The following LLGL2 variants were observed in gnomAD, a reference collection of about 807,000 sequenced individuals.
LLGL2 encodes the protein LLGL2, scribble cell polarity complex component.
Under a neutral mutation model 123.2 loss-of-function variants are expected in LLGL2, and 81 were observed. The observed-to-expected ratio is 0.66, with a 90% CI of 0.55 to 0.79. The LOEUF (loss-of-function observed/expected upper bound fraction) is 0.79, where lower values mean the gene tolerates loss of function less well. Among genes scored for constraint, LLGL2 ranks in the 30% least tolerant of loss-of-function variants. The probability of loss-of-function intolerance (pLI) is 0.00; values close to 1 mark genes in which losing one functional copy is unlikely to be tolerated. For missense variants in LLGL2, 1,273 were observed against 1,414.6 expected (o/e 0.90, Z 1.61); for synonymous variants, 577 against 594.1 (o/e 0.97, Z 0.42).
chr17:75,532,071 C>CACACACACACACAT (rs1458105871), intron 1 of LLGL2, among the ~76,000 whole-genome samples: 1 of 134,282 alleles, frequency 7.4e-6, no homozygotes, highest in Non-Finnish European at 1.7e-5. Context: ...CACACACACA[C>CACACACACACACAT]ACACACTTTT....
At chr17:75,540,656 T>A (rs752311543) in intron 1 of LLGL2, among the ~76,000 whole-genome samples, 4 of 152,218 alleles carry the variant, frequency 2.6e-5, no homozygotes, top group Non-Finnish European at 5.9e-5. Context: ...TGTTCTGTAT[T>A]ATCCATCCAT....
Position 75,526,150 on chromosome 17 carries a change from G to GGAGTC in LLGL2, c.-31+326_-31+330dup, listed in dbSNP as rs1465234662. 2.6e-5 allele frequency among the ~76,000 whole-genome samples: 4 copies of GGAGTC among 152,220 alleles called. No homozygotes were observed. The East Asian group carries it at 7.7e-4, about 29-fold the overall frequency. On this transcript the variant is annotated intron_variant, in intron 1 of 25. Transcript: ENST00000392550. Reference sequence around the variant, plus strand: ...TGCGGGGGGCACCGCGGGCAGAGACGGAGTCCCCGGGCCCACGTGCAGGCG... The same window carrying GGAGTC: ...TGCGGGGGGCACCGCGGGCAGAGACGGAGTCGAGTCCCCGGGCCCACGTGCAGGCG...
chr17:75,530,130 GGCCTTTTGGAAGT>G (rs1286497912), intron 1 of LLGL2, among the ~76,000 whole-genome samples: 5 of 152,160 alleles, frequency 3.3e-5, no homozygotes, highest in Non-Finnish European at 1.5e-5. Flanking sequence ...TGGGCACTTG[GGCCTTTTGGAAGT>G]GCCTGATGGG....
At chr17:75,560,547 C>T (rs2055155180) in intron 6 of LLGL2, among the ~76,000 whole-genome samples, 1 of 152,074 alleles carries the variant, frequency 6.6e-6, no homozygotes. Flanking sequence ...AGTGCAATGG[C>T]ACGATCTTGG....
chr17:75,568,700 C>T lies in LLGL2; in HGVS notation c.1254+7C>T, dbSNP rs1357012951. ...CGCACACTTCTCCACCATGGTAGGTCTGGCCCTGGCCCCAGCCCCAGCCCC... is the reference window on the plus strand; with the variant it reads ...CGCACACTTCTCCACCATGGTAGGTTTGGCCCTGGCCCCAGCCCCAGCCCC... On this transcript the variant is annotated splice_region_variant and intron_variant, in intron 11 of 25. Coordinates refer to ENST00000392550, the MANE Select transcript of LLGL2 (RefSeq NM_001031803.2). 1 of 1,613,466 alleles carries T rather than the reference C, an allele frequency of 6.2e-7. No individual in the cohort carries two copies. Among genetic ancestry groups the T allele is most frequent in the Non-Finnish European group, 8.5e-7 (1 of 1,179,808 alleles).
intron 2 of LLGL2, among the ~76,000 whole-genome samples, chr17:75,552,610 TAC>T (rs2054728026): frequency 6.6e-6 from 1 of 152,276 alleles, no homozygotes; most frequent in Non-Finnish European, 1.5e-5. Context: ...AGGTGTATTT[TAC>T]ACTTACGGCA....
Position 75,570,118 on chromosome 17 carries a change from C to T in LLGL2, c.1737C>T (p.Pro579=). Residue 579 remains proline (P), a synonymous_variant, in exon 15 of 26, where the codon CCC becomes CCT. Transcript: ENST00000392550. ...TGCGCTTTGAGCCTGGCTTTCAGCC[C>T]TTCGTGTTGGTGCAGTGTCAGCCCC... ...GPVRFEPGFQ[P]FVLVQCQPPA... 3 of 1,602,372 alleles carry T rather than the reference C, an allele frequency of 1.9e-6. No individual in the cohort carries two copies. The highest frequency in any genetic ancestry group is 2.6e-6 in the Non-Finnish European group (3 of 1,174,994).
At chr17:75,560,442 C>T (rs1171359742) in intron 6 of LLGL2, among the ~76,000 whole-genome samples, 1 of 152,156 alleles carries the variant, frequency 6.6e-6, no homozygotes, top group Non-Finnish European at 1.5e-5. Context: ...GGCCCAAGTG[C>T]CCTGAGAGCC....
At chr17:75,568,440 C>T (rs763855012) in intron 10 of LLGL2, 36 bp from the exon 11 acceptor site, 1 of 1,600,028 alleles carries the variant, frequency 6.2e-7, no homozygotes, top group East Asian at 2.2e-5. Context: ...CTGCTTCCTC[C>T]TGGCCCCGGC....
chr17:75,531,253 G>T (rs1316986041), intron 1 of LLGL2, among the ~76,000 whole-genome samples: 2 of 152,188 alleles, frequency 1.3e-5, no homozygotes, highest in Admixed American at 6.5e-5. Flanking sequence ...GTGCTGCCTG[G>T]GACCAGGTGG....
At chr17:75,531,603 G>A (rs2053789277) in intron 1 of LLGL2, among the ~76,000 whole-genome samples, 1 of 152,238 alleles carries the variant, frequency 6.6e-6, no homozygotes. Flanking sequence ...TGGCAACGCT[G>A]TTTTCCTCTG....
Position 75,570,405 on chromosome 17 carries a change from G to A in LLGL2, c.1932G>A (p.Lys644=), listed in dbSNP as rs1310615274. The part of the protein sequence containing the change: ...LALEGPLSRV[K]SLKKSLRQSF... ...TGGAGGGCCCACTCTCCCGCGTCAA[G>A]TCCCTCAAGAAGTCCTTGCGTCAGT... The change falls in exon 16 of 26, where the codon AAG becomes AAA. Residue 644 remains lysine, a synonymous_variant. Transcript: ENST00000392550. The A allele has an allele frequency of 3.7e-6, 6 of 1,610,462 alleles. No individual in the cohort carries two copies. Among genetic ancestry groups the A allele is most frequent in the Non-Finnish European group, 5.1e-6 (6 of 1,178,994 alleles).
In LLGL2 at chr17:75,570,409, C is replaced by T; in HGVS notation, c.1936C>T (p.Leu646Phe). The T allele has an allele frequency of 6.2e-7, 1 of 1,610,046 alleles. No individual in the cohort carries two copies. The highest frequency in any genetic ancestry group is 8.5e-7 in the Non-Finnish European group (1 of 1,178,836). The change falls in exon 16 of 26, where the codon CTC becomes TTC. Residue 646 changes from leucine to phenylalanine, a missense_variant. Transcript: ENST00000392550. Reference sequence around the variant, plus strand: ...GGGCCCACTCTCCCGCGTCAAGTCCCTCAAGAAGTCCTTGCGTCAGTCATT... The same window carrying T: ...GGGCCCACTCTCCCGCGTCAAGTCCTTCAAGAAGTCCTTGCGTCAGTCATT... ...LEGPLSRVKS[L>F]KKSLRQSFRR...
intron 6 of LLGL2, among the ~76,000 whole-genome samples, chr17:75,561,279 G>A (rs2055207973): frequency 6.6e-6 from 1 of 152,124 alleles, no homozygotes. Flanking sequence ...GTTTTTAATG[G>A]CAAAAAGTTG....
chr17:75,561,125 C>T (rs182552222), intron 6 of LLGL2, among the ~76,000 whole-genome samples: 1 of 152,334 alleles, frequency 6.6e-6, no homozygotes. Context: ...AGCCACCAGG[C>T]CCAGCCCCTT....
At chr17:75,572,210 G>C in intron 19 of LLGL2, 146 bp downstream of exon 19, 2 of 840,840 alleles carry the variant, frequency 2.4e-6, no homozygotes, top group Non-Finnish European at 3.7e-6. Flanking sequence ...TAAGTGAGGG[G>C]GGAGTCTCGT....
chr17:75,529,500 C>G (rs112017789), intron 1 of LLGL2, among the ~76,000 whole-genome samples: 2 of 152,028 alleles, frequency 1.3e-5, no homozygotes, highest in African/African-American at 4.8e-5. Flanking sequence ...CCACTGCACC[C>G]GGCCCCTGCC....
Position 75,571,764 on chromosome 17 carries a change from G to A in LLGL2, c.2274G>A (p.Glu758=), listed in dbSNP as rs201213445. ...CTCCCGCCGAGCGGAGAATGGATGA[G>A]CCTGTGCGGGCAGAGCAGGGTGAGT... The part of the protein sequence containing the change: ...RVPPAERRMD[E]PVRAEQAKEI... The change falls in exon 18 of 26, where the codon GAG becomes GAA. Residue 758 remains glutamate (E), a synonymous_variant. Transcript: ENST00000392550. 2 of 1,608,384 alleles carry A rather than the reference G, an allele frequency of 1.2e-6. No individual in the cohort carries two copies. Among genetic ancestry groups the A allele is most frequent in the East Asian group, 4.5e-5 (2 of 44,870 alleles).
At chr17:75,562,938 G>A (rs1387422486) in intron 6 of LLGL2, 78 bp from the exon 7 acceptor site, 2 of 1,529,412 alleles carry the variant, frequency 1.3e-6, no homozygotes, top group Non-Finnish European at 1.8e-6. Context: ...TGCATAGGGA[G>A]CCCCATGGCT....
Sources: gnomAD v4.1 joint callset for allele counts (sites outside exome capture counted in the v4.1 genomes callset) on GRCh38, gnomAD v4.1.1 for gene constraint, MANE v1.5 for transcripts, NCBI Gene and HGNC (gene_info 2026-07-23, HGNC 2026-07-21) for gene names.